Variants in SIRT5 observed in about 807,000 individuals in gnomAD.
SIRT5 encodes sirtuin 5, also known as NAD-dependent protein deacylase sirtuin-5, mitochondrial.
SIRT5 carries 26 observed loss-of-function variants against 40.0 expected under a neutral mutation model. The ratio of observed to expected loss-of-function variants is 0.65; its 90% CI spans 0.48 to 0.90. The LOEUF (loss-of-function observed/expected upper bound fraction) is 0.90. SIRT5 is among the 40% of genes least tolerant of loss of function. The pLI is 0.00. For missense variants in SIRT5, 401 were observed against 402.4 expected, an observed-to-expected ratio of 1.00 and a Z score of 0.03; for synonymous variants, 146 against 149.1, an observed-to-expected ratio of 0.98 and a Z score of 0.15.
chr6:13,610,847 C>T (rs868034603), intron 9 of SIRT5, among the ~76,000 whole-genome samples: 6 of 152,146 alleles, frequency 3.9e-5, no homozygotes, highest in Non-Finnish European at 7.3e-5. Flanking sequence ...AGGGATAAGG[C>T]AGTCACTATT....
rs1764071764 is a variant in SIRT5, at chr6:13,612,982, C to T, written c.*1117C>T. ...AAAAAATGATGCCCTTAGGTTGGGC[C>T]AGACCTCTGTTAACTTCAGTAGGGA... is the stretch of plus-strand genomic sequence containing the variant. On this transcript the variant is annotated 3_prime_UTR_variant, in exon 10 of 10. Coordinates refer to ENST00000606117, the MANE Select transcript of SIRT5 (RefSeq NM_012241.5). The T allele has an allele frequency of 2.0e-5, 3 of 152,264 alleles. No homozygotes were observed. In the South Asian group the frequency reaches 6.2e-4, roughly 32 times the overall value. The allele number at this position is 152,264 out of a possible 1,614,324, so 9.4% of individuals were successfully genotyped here. A position where few individuals can be genotyped will look rare whatever the true frequency, so the allele number is the denominator to read the frequency against.
At chr6:13,596,619 T>A (rs1761598235) in intron 6 of SIRT5, among the ~76,000 whole-genome samples, 1 of 152,122 alleles carries the variant, frequency 6.6e-6, no homozygotes, top group African/African-American at 2.4e-5. Flanking sequence ...CCCAAGTAGC[T>A]AGGACTATAG....
Position 13,605,699 on chromosome 6 carries a change from C to G in SIRT5, c.857+4750C>G, listed in dbSNP as rs1336379955. 3.7e-5 allele frequency: 36 copies of G among 985,258 alleles called. No individual in the cohort carries two copies. The Admixed American group carries it at 2.2e-3, about 61-fold the overall frequency. 61.0% of individuals were successfully genotyped at this position (985,258 alleles called of 1,614,324 possible). On this transcript the variant is annotated intron_variant, in intron 9 of 9. Coordinates refer to ENST00000606117, the MANE Select transcript of SIRT5 (RefSeq NM_012241.5). ...TTATATTGGATGATTTCTGATAAAC[C>G]CTGACTATTCCAATAAACCCTAGGC...
At chr6:13,576,798 C>T (rs1200601973) in intron 1 of SIRT5, among the ~76,000 whole-genome samples, 1 of 152,182 alleles carries the variant, frequency 6.6e-6, no homozygotes, top group Non-Finnish European at 1.5e-5. Flanking sequence ...ATGTTTGAGA[C>T]TTTAATCTAT....
chr6:13,611,355 T>C (rs568408867), intron 9 of SIRT5, among the ~76,000 whole-genome samples: 1 of 151,522 alleles, frequency 6.6e-6, no homozygotes, highest in Non-Finnish European at 1.5e-5. Context: ...ATAAAACATA[T>C]ATATGTATAT....
intron 3 of SIRT5, among the ~76,000 whole-genome samples, 180 bp downstream of exon 3, chr6:13,584,405 C>T (rs558188594): frequency 1.4e-4 from 21 of 152,010 alleles, no homozygotes; most frequent in African/African-American, 4.6e-4. Flanking sequence ...GGCTGGAGTG[C>T]GGTGGTGCGA....
rs534228235 is a variant in SIRT5, at chr6:13,585,962, G to A, written c.115+1737G>A. Among the ~76,000 whole-genome samples, 4 of 152,282 alleles carry A rather than the reference G, an allele frequency of 2.6e-5. No individual in the cohort carries two copies. The South Asian group carries it at 8.3e-4, about 32-fold the overall frequency. The stretch of plus-strand genomic sequence containing the variant: ...AACTGGTGTGAGATGGTATCTCACT[G>A]TGGTTTTGATTTGCATTTCTCTGAT... On this transcript the variant is annotated intron_variant, in intron 3 of 9. Coordinates refer to ENST00000606117, the MANE Select transcript of SIRT5 (RefSeq NM_012241.5).
At chr6:13,585,503 T>C (rs1008994212) in intron 3 of SIRT5, among the ~76,000 whole-genome samples, 1 of 152,130 alleles carries the variant, frequency 6.6e-6, no homozygotes, top group Non-Finnish European at 1.5e-5. Context: ...TTTGGTTTTC[T>C]GTCCTTGCGA....
Position 13,615,081 on chromosome 6 carries a change from C to T in SIRT5, c.*3216C>T. 2.4e-6 allele frequency: 1 copy of T among 415,584 alleles called. No homozygotes were observed. Among genetic ancestry groups the T allele is most frequent in the Non-Finnish European group, 4.3e-6 (1 of 233,222 alleles). 25.7% of individuals were successfully genotyped at this position (415,584 alleles called of 1,614,324 possible). ...TCGCCATCCCAGCCGAGGAGGGCAG[C>T]GCGATGGCTCTTCCCTGCCTTGAAA... On this transcript the variant is annotated 3_prime_UTR_variant, in exon 10 of 10. Coordinates refer to ENST00000606117, the MANE Select transcript of SIRT5 (RefSeq NM_012241.5).
chr6:13,611,934 T>A lies in SIRT5; in HGVS notation c.*69T>A. ...GCCACACGCAGAGGAGAAATGGTCT[T>A]ATGGGTGGTGAGCTGAGTACTGAAC... is the stretch of plus-strand genomic sequence containing the variant. On this transcript the variant is annotated 3_prime_UTR_variant, in exon 10 of 10. Coordinates refer to ENST00000606117, the MANE Select transcript of SIRT5 (RefSeq NM_012241.5). The A allele has an allele frequency of 6.8e-7, 1 of 1,467,250 alleles. No homozygotes were observed. Among genetic ancestry groups the A allele is most frequent in the Non-Finnish European group, 9.5e-7 (1 of 1,049,530 alleles). 90.9% of individuals were successfully genotyped at this position (1,467,250 alleles called of 1,614,324 possible).
intron 6 of SIRT5, among the ~76,000 whole-genome samples, chr6:13,596,614 GTAGC>G (rs747808174): frequency 6.6e-6 from 1 of 152,050 alleles, no homozygotes; most frequent in Non-Finnish European, 1.5e-5. Context: ...AGCCTCCCAA[GTAGC>G]TAGGACTATA....
At chr6:13,605,704 C>T (rs1763017487) in intron 9 of SIRT5, 2 of 985,460 alleles carry the variant, frequency 2.0e-6, no homozygotes, top group Middle Eastern at 1.0e-3. Context: ...TAAACCCTGA[C>T]TATTCCAATA....
intron 1 of SIRT5, among the ~76,000 whole-genome samples, chr6:13,577,693 T>G (rs1359323697): frequency 6.7e-6 from 1 of 148,444 alleles, no homozygotes; most frequent in African/African-American, 2.4e-5. Flanking sequence ...CTGTATATCT[T>G]ATATACATAG....
chr6:13,580,228 T>G (rs1047837529), intron 2 of SIRT5, among the ~76,000 whole-genome samples: 6 of 152,220 alleles, frequency 3.9e-5, no homozygotes, highest in Non-Finnish European at 7.3e-5. Context: ...TCTTTTTGAG[T>G]GTCAATCTTC....
At chr6:13,590,388 A>C (rs538271606) in intron 4 of SIRT5, among the ~76,000 whole-genome samples, 17 of 152,080 alleles carry the variant, frequency 1.1e-4, no homozygotes, top group African/African-American at 3.9e-4. Flanking sequence ...TATTTTATCT[A>C]TTCTGTTTAT....
Position 13,612,963 on chromosome 6 carries a change from T to C in SIRT5, c.*1098T>C, listed in dbSNP as rs1419108651. The stretch of plus-strand genomic sequence containing the variant: ...GTTTTTTCCATGGGACTTTAAAAAA[T>C]GATGCCCTTAGGTTGGGCCAGACCT... On this transcript the variant is annotated 3_prime_UTR_variant, in exon 10 of 10. Coordinates refer to ENST00000606117, the MANE Select transcript of SIRT5 (RefSeq NM_012241.5). 3 of 152,300 alleles carry C rather than the reference T, an allele frequency of 2.0e-5. No homozygotes were observed. The highest frequency in any genetic ancestry group is 7.2e-5 in the African/African-American group (3 of 41,526). The allele number at this position is 152,300 out of a possible 1,614,324, so 9.4% of individuals were successfully genotyped here. A position where few individuals can be genotyped will look rare whatever the true frequency, so the allele number is the denominator to read the frequency against.
chr6:13,611,804 G>T lies in SIRT5; in HGVS notation c.872G>T (p.Gly291Val). 6.2e-7 allele frequency: 1 copy of T among 1,613,644 alleles called. No homozygotes were observed. Among genetic ancestry groups the T allele is most frequent in the East Asian group, 2.2e-5 (1 of 44,868 alleles). Reference sequence around the variant, plus strand: ...TTCTCTTTCAGGTTTCATTTCCAGGGACCCTGTGGAACGACTCTTCCTGAA... The same window carrying T: ...TTCTCTTTCAGGTTTCATTTCCAGGTACCCTGTGGAACGACTCTTCCTGAA... ...ATNRFRFHFQGPCGTTLPEAL... is the reference protein window; with the variant it reads ...ATNRFRFHFQVPCGTTLPEAL... Residue 291 changes from glycine to valine, a missense_variant, in exon 10 of 10, where the codon GGA becomes GTA. Coordinates refer to ENST00000606117, the MANE Select transcript of SIRT5 (RefSeq NM_012241.5).
intron 9 of SIRT5, 24 bp downstream of exon 9, chr6:13,600,973 A>T: frequency 6.4e-7 from 1 of 1,571,190 alleles, no homozygotes; most frequent in Non-Finnish European, 8.8e-7. Context: ...CTGATGGGAG[A>T]GGGAGATGTG....
chr6:13,588,885 C>G (rs1175265769), intron 4 of SIRT5, among the ~76,000 whole-genome samples: 1 of 152,154 alleles, frequency 6.6e-6, no homozygotes, highest in African/African-American at 2.4e-5. Flanking sequence ...GGAAGCCCTT[C>G]AGAATGTAAG....
Sources: gnomAD v4.1 joint callset for allele counts (sites outside exome capture counted in the v4.1 genomes callset) on GRCh38, gnomAD v4.1.1 for gene constraint, MANE v1.5 for transcripts, NCBI Gene and HGNC (gene_info 2026-07-23, HGNC 2026-07-21) for gene names.